Variants in RASSF3 observed in about 807,000 individuals in gnomAD.
The protein encoded by RASSF3 is Ras association domain family member 3.
Under a neutral mutation model 19.9 loss-of-function variants are expected in RASSF3, and 19 were observed. That is an observed-to-expected ratio of 0.96 (90% CI 0.67 to 1.40). The LOEUF (loss-of-function observed/expected upper bound fraction) is 1.40, where lower values mean the gene tolerates loss of function less well. RASSF3 is among the 40% of genes most tolerant of loss of function. The pLI, the probability that RASSF3 is intolerant of heterozygous loss-of-function variation, is 0.00. For synonymous variants in RASSF3, 110 were observed against 104.2 expected (o/e 1.06, Z -0.34); for missense variants, 306 against 289.8 (o/e 1.06, Z -0.41).
intron 1 of RASSF3, among the ~76,000 whole-genome samples, chr12:64,651,037 T>C (rs1314453781): frequency 6.6e-6 from 1 of 152,210 alleles, no homozygotes; most frequent in Non-Finnish European, 1.5e-5. Context: ...TGTGCTTGGC[T>C]GCATTTGATA....
downstream of RASSF3, among the ~76,000 whole-genome samples, chr12:64,543,367 C>T (rs1383049186): frequency 6.7e-6 from 1 of 150,346 alleles, no homozygotes; most frequent in Non-Finnish European, 1.5e-5. Context: ...GCTGCCTCCC[C>T]ACGGGGCAGG....
At chr12:64,562,245 T>G (rs1869360798) in intron 2 of RASSF3, among the ~76,000 whole-genome samples, 1 of 152,124 alleles carries the variant, frequency 6.6e-6, no homozygotes, top group African/African-American at 2.4e-5. Flanking sequence ...TTCGCCATGT[T>G]GGCCAGCCTG....
intron 3 of RASSF3, among the ~76,000 whole-genome samples, chr12:64,689,944 A>G (rs1360201686): frequency 6.7e-6 from 1 of 149,198 alleles, no homozygotes; most frequent in African/African-American, 2.5e-5. Context: ...GCCCGCCACC[A>G]CGTCTGGCTA....
At chr12:64,541,904 A>G (rs1018749809), downstream of RASSF3, among the ~76,000 whole-genome samples, 6 of 152,216 alleles carry the variant, frequency 3.9e-5, no homozygotes, top group African/African-American at 1.4e-4. Flanking sequence ...TTTAGAAACA[A>G]TAAGATAGAG....
intron 1 of RASSF3, chr12:64,630,010 G>T (rs1351102070): frequency 6.6e-6 from 1 of 151,064 alleles, no homozygotes; most frequent in Non-Finnish European, 1.5e-5. Context: ...AAGAAAAATG[G>T]TTTATGTGAA....
At chr12:64,689,560 C>G (rs1873495281) in intron 3 of RASSF3, among the ~76,000 whole-genome samples, 1 of 152,014 alleles carries the variant, frequency 6.6e-6, no homozygotes, top group Non-Finnish European at 1.5e-5. Context: ...TAGAGAAGCT[C>G]GATGGCATTT....
chr12:64,658,967 A>G lies in RASSF3; in HGVS notation c.112-25820A>G, dbSNP rs149695868. 4.7e-3 allele frequency among the ~76,000 whole-genome samples: 708 copies of G among 152,242 alleles called. 10 individuals carry two copies. The highest frequency in any genetic ancestry group is 0.016 in the African/African-American group (657 of 41,536). On this transcript the variant is annotated intron_variant, in intron 1 of 4. Coordinates refer to ENST00000542104, the MANE Select transcript of RASSF3 (RefSeq NM_178169.4). ...CACCTGTAGTCCCAGCTACTCAGGA[A>G]GCAGAGGCAGGAGGATATCTTGAGC...
At chr12:64,639,225 T>C (rs1267852107) in intron 1 of RASSF3, among the ~76,000 whole-genome samples, 2 of 152,340 alleles carry the variant, frequency 1.3e-5, no homozygotes, top group East Asian at 3.9e-4. Flanking sequence ...ATAAGAAATA[T>C]TTACTGTGTT....
intron 2 of RASSF3, among the ~76,000 whole-genome samples, chr12:64,567,646 T>C (rs1372487686): frequency 1.3e-5 from 2 of 152,190 alleles, no homozygotes; most frequent in Admixed American, 1.3e-4. Flanking sequence ...AGACTAGGAT[T>C]TTGGGATTCC....
intron 1 of RASSF3, among the ~76,000 whole-genome samples, chr12:64,621,458 C>T (rs1425884036): frequency 2.0e-5 from 3 of 151,964 alleles, no homozygotes; most frequent in Non-Finnish European, 2.9e-5. Context: ...ACTGTTTGTA[C>T]CAAAAGGATA....
intron 1 of RASSF3, among the ~76,000 whole-genome samples, chr12:64,671,970 G>C (rs1872715529): frequency 6.6e-6 from 1 of 152,198 alleles, no homozygotes; most frequent in South Asian, 2.1e-4. Context: ...AAAGTGGATG[G>C]AATTAATGGG....
chr12:64,668,233 C>G (rs1018832575), intron 1 of RASSF3, among the ~76,000 whole-genome samples: 1 of 150,910 alleles, frequency 6.6e-6, no homozygotes, highest in Non-Finnish European at 1.5e-5. Flanking sequence ...GGGCACTTTC[C>G]TCTATCAAAC....
intron 1 of RASSF3, among the ~76,000 whole-genome samples, chr12:64,670,265 G>A (rs922233693): frequency 6.6e-6 from 1 of 151,848 alleles, no homozygotes; most frequent in Non-Finnish European, 1.5e-5. Flanking sequence ...TCAAAGTGGT[G>A]TTCAGTTATG....
At chr12:64,642,022 G>A (rs905943540) in intron 1 of RASSF3, among the ~76,000 whole-genome samples, 1 of 151,962 alleles carries the variant, frequency 6.6e-6, no homozygotes, top group Non-Finnish European at 1.5e-5. Flanking sequence ...GATTACAGGC[G>A]TGAGCCACCG....
At position 64,559,672 on chromosome 12, in the gene RASSF3, G is replaced by A. The variant is rs542669463; in HGVS notation, c.294+17967G>A. 4.6e-5 allele frequency among the ~76,000 whole-genome samples: 7 copies of A among 152,258 alleles called. No individual in the cohort carries two copies. In the East Asian group the frequency reaches 1.3e-3, roughly 29 times the overall value. ...CTCAGCATGGCCTAATATTGCAGCA[G>A]GCTTCTAAGAGCCACTTTAGCAGTG... is the stretch of plus-strand genomic sequence containing the variant. On this transcript the variant is annotated intron_variant, in intron 2 of 5. Coordinates refer to the RASSF3 transcript ENST00000637125.
chr12:64,570,060 C>A (rs1358001883), intron 2 of RASSF3, among the ~76,000 whole-genome samples: 1 of 152,180 alleles, frequency 6.6e-6, no homozygotes, highest in South Asian at 2.1e-4. Context: ...CTTCTCCTCA[C>A]CCCTTAAGCT....
intron 1 of RASSF3, among the ~76,000 whole-genome samples, chr12:64,540,295 G>T (rs922439574): frequency 6.6e-6 from 1 of 152,122 alleles, no homozygotes; most frequent in African/African-American, 2.4e-5. Flanking sequence ...TCTATTTGCT[G>T]GTGAATAAAA....
chr12:64,621,914 G>T (rs1348797786), intron 1 of RASSF3, among the ~76,000 whole-genome samples: 1 of 152,180 alleles, frequency 6.6e-6, no homozygotes, highest in East Asian at 1.9e-4. Flanking sequence ...GATTCAGAAG[G>T]TGGGGAGTTG....
chr12:64,548,324 C>A (rs1040128731), intron 2 of RASSF3, among the ~76,000 whole-genome samples: 29 of 151,470 alleles, frequency 1.9e-4, no homozygotes, highest in African/African-American at 6.3e-4. Flanking sequence ...GGGCAGGCAC[C>A]ATCATGCCCA....
Sources: allele counts gnomAD v4.1 joint callset (sites outside exome capture counted in the v4.1 genomes callset), GRCh38; gene constraint gnomAD v4.1.1; transcripts MANE v1.5; gene names NCBI Gene and HGNC (gene_info 2026-07-23, HGNC 2026-07-21).